The following DEPTOR variants were observed in gnomAD, a reference collection of about 807,000 sequenced individuals.
DEPTOR encodes the protein DEP domain containing MTOR interacting protein.
DEPTOR carries 41 observed loss-of-function variants against 41.6 expected under a neutral mutation model. The ratio of observed to expected loss-of-function variants is 0.98; its 90% CI spans 0.77 to 1.28. The LOEUF (loss-of-function observed/expected upper bound fraction) is 1.28. Ranked by LOEUF, DEPTOR falls within the 50% of genes most tolerant of loss-of-function variation. DEPTOR has a pLI of 0.00. For missense variants in DEPTOR, 514 were observed against 527.9 expected (o/e 0.97, Z 0.26); for synonymous variants, 195 against 192.3 (o/e 1.01, Z -0.12).
chr8:119,900,310 C>T (rs1243951812), intron 1 of DEPTOR, among the ~76,000 whole-genome samples: 2 of 111,868 alleles, frequency 1.8e-5, no homozygotes, highest in Non-Finnish European at 3.3e-5. Context: ...GGCAACAGAG[C>T]GAGGCTCCAT....
At chr8:120,045,128 G>T (rs139474760) in intron 8 of DEPTOR, among the ~76,000 whole-genome samples, 1 of 152,178 alleles carries the variant, frequency 6.6e-6, no homozygotes, top group South Asian at 2.1e-4. Context: ...AAGAAGGTTT[G>T]TGTGAAATGA....
At chr8:119,943,129 C>T (rs1297007733) in intron 3 of DEPTOR, among the ~76,000 whole-genome samples, 3 of 152,186 alleles carry the variant, frequency 2.0e-5, no homozygotes, top group Non-Finnish European at 4.4e-5. Flanking sequence ...GAGTCCATTG[C>T]CCTTTGGCTT....
At chr8:119,941,915 A>G (rs1828208991) in intron 3 of DEPTOR, among the ~76,000 whole-genome samples, 1 of 152,192 alleles carries the variant, frequency 6.6e-6, no homozygotes, top group South Asian at 2.1e-4. Context: ...CCCACTAAAT[A>G]AAGATAAACG....
At chr8:119,998,521 A>G (rs1180427567) in intron 4 of DEPTOR, among the ~76,000 whole-genome samples, 1 of 152,128 alleles carries the variant, frequency 6.6e-6, no homozygotes, top group Non-Finnish European at 1.5e-5. Flanking sequence ...GGAAAGTTGC[A>G]TGAGACTTCC....
At position 119,965,340 on chromosome 8, in the gene DEPTOR, T is replaced by C; in HGVS notation, c.534T>C (p.Gly178=). 10 of 1,613,376 alleles carry C rather than the reference T, an allele frequency of 6.2e-6. No individual in the cohort carries two copies. The highest frequency in any genetic ancestry group is 2.2e-5 in the East Asian group (1 of 44,790). The change falls in exon 4 of 9, where the codon GGT becomes GGC. Residue 178 remains glycine, a synonymous_variant. Transcript: ENST00000286234. The part of the protein sequence containing the change: ...SEFLDWLVQE[G]EATTRKEAEQ... ...TCCTGGACTGGCTGGTTCAGGAAGG[T>C]GAGGCCACCACGAGGAAAGAGGCAG...
At chr8:119,923,202 A>G (rs989741605) in intron 1 of DEPTOR, among the ~76,000 whole-genome samples, 2 of 151,926 alleles carry the variant, frequency 1.3e-5, no homozygotes, top group Non-Finnish European at 2.9e-5. Flanking sequence ...AAATCTCCAC[A>G]TCTATTAACC....
At chr8:119,922,293 A>G (rs183389781) in intron 1 of DEPTOR, among the ~76,000 whole-genome samples, 4 of 152,152 alleles carry the variant, frequency 2.6e-5, no homozygotes, top group African/African-American at 4.8e-5. Context: ...TGGAAAGTTT[A>G]CAGGAGCTAA....
chr8:120,006,481 A>G (rs1375958959), intron 6 of DEPTOR, among the ~76,000 whole-genome samples: 1 of 151,808 alleles, frequency 6.6e-6, no homozygotes, highest in East Asian at 1.9e-4. Context: ...CCGAGATCGC[A>G]TCATTGCACT....
At chr8:119,961,622 A>G (rs1057433369) in intron 3 of DEPTOR, among the ~76,000 whole-genome samples, 3 of 152,132 alleles carry the variant, frequency 2.0e-5, no homozygotes, top group Admixed American at 6.6e-5. Context: ...ATAGGTATAG[A>G]GTGAGTGTTT....
At chr8:120,049,068 A>G (rs1354057878) in intron 8 of DEPTOR, among the ~76,000 whole-genome samples, 1 of 152,202 alleles carries the variant, frequency 6.6e-6, no homozygotes, top group African/African-American at 2.4e-5. Flanking sequence ...GAAAACAATA[A>G]AAGGAAATGA....
intron 8 of DEPTOR, among the ~76,000 whole-genome samples, chr8:120,029,710 G>T (rs1366034378): frequency 6.6e-6 from 1 of 152,000 alleles, no homozygotes; most frequent in African/African-American, 2.4e-5. Context: ...TTTAAAATAT[G>T]GATTTTTTTC....
chr8:119,950,015 A>G (rs1392832644), intron 3 of DEPTOR, among the ~76,000 whole-genome samples: 1 of 152,120 alleles, frequency 6.6e-6, no homozygotes, highest in South Asian at 2.1e-4. Context: ...TAGCTTTTAC[A>G]TTTAGCTTTT....
At chr8:119,908,519 TGGA>T (rs10573798) in intron 1 of DEPTOR, among the ~76,000 whole-genome samples, 33,329 of 152,064 alleles carry the variant, frequency 0.22, 4,204 homozygotes, top group African/African-American at 0.34. Context: ...TTTGAACTTG[TGGA>T]GGAGATGATG....
chr8:120,010,641 AAC>A (rs1812519134), intron 8 of DEPTOR, among the ~76,000 whole-genome samples: 2 of 152,022 alleles, frequency 1.3e-5, no homozygotes, highest in Non-Finnish European at 2.9e-5. Flanking sequence ...AGAAGAAAAA[AAC>A]ACACATATAC....
chr8:119,977,311 GT>G (rs944777910), intron 4 of DEPTOR, among the ~76,000 whole-genome samples: 5 of 151,330 alleles, frequency 3.3e-5, no homozygotes, highest in Admixed American at 3.3e-4. Context: ...CCATGTCTCT[GT>G]TTTTTTTAGA....
intron 3 of DEPTOR, among the ~76,000 whole-genome samples, chr8:119,960,944 A>T (rs894488686): frequency 6.6e-6 from 1 of 152,052 alleles, no homozygotes; most frequent in African/African-American, 2.4e-5. Flanking sequence ...GCACCATTGC[A>T]CTCCAGCCTG....
chr8:119,888,010 G>A (rs1174900927), intron 1 of DEPTOR, among the ~76,000 whole-genome samples: 1 of 151,880 alleles, frequency 6.6e-6, no homozygotes, highest in African/African-American at 2.4e-5. Flanking sequence ...TAGTAGAGTC[G>A]ACATCTCACT....
chr8:120,022,622 C>A (rs1462217934), intron 8 of DEPTOR, among the ~76,000 whole-genome samples: 2 of 152,180 alleles, frequency 1.3e-5, no homozygotes, highest in African/African-American at 2.4e-5. Context: ...CCAAATCTGT[C>A]ACCCCTTTGA....
chr8:119,917,382 A>T (rs983069407), intron 1 of DEPTOR, among the ~76,000 whole-genome samples: 3 of 152,222 alleles, frequency 2.0e-5, no homozygotes, highest in African/African-American at 7.2e-5. Context: ...AGAAAGAAGT[A>T]GACATAGGGG....
Sources: allele counts gnomAD v4.1 joint callset (sites outside exome capture counted in the v4.1 genomes callset), GRCh38; gene constraint gnomAD v4.1.1; transcripts MANE v1.5; gene names NCBI Gene and HGNC (gene_info 2026-07-23, HGNC 2026-07-21).